Variants in LRRIQ3 observed in about 807,000 individuals in gnomAD.
LRRIQ3 encodes the protein leucine rich repeats and IQ motif containing 3.
LRRIQ3 carries 75 observed loss-of-function variants against 59.3 expected under a neutral mutation model. That is an observed-to-expected ratio of 1.26 (90% CI 1.05 to 1.53). The LOEUF is 1.53. Ranked by LOEUF, LRRIQ3 falls within the 40% of genes most tolerant of loss-of-function variation. The pLI is 0.00. For synonymous variants in LRRIQ3, 250 were observed against 231.3 expected (o/e 1.08, Z -0.73); for missense variants, 831 against 710.0 (o/e 1.17, Z -1.94).
intron 4 of LRRIQ3, among the ~76,000 whole-genome samples, chr1:74,153,925 A>T (rs2100663020): frequency 6.6e-6 from 1 of 152,220 alleles, no homozygotes; most frequent in Non-Finnish European, 1.5e-5. Flanking sequence ...AGAGAGCACT[A>T]AATATAACAA....
intron 4 of LRRIQ3, among the ~76,000 whole-genome samples, chr1:74,146,099 G>A (rs980959011): frequency 2.6e-5 from 4 of 151,904 alleles, no homozygotes; most frequent in Non-Finnish European, 4.4e-5. Context: ...CTACAAATAC[G>A]CTATACCACC....
At chr1:74,082,709 A>G (rs1461030845) in intron 5 of LRRIQ3, 1 of 151,494 alleles carries the variant, frequency 6.6e-6, no homozygotes, top group Admixed American at 6.6e-5. Flanking sequence ...GGAGGGATTT[A>G]TATTTTTTCA....
intron 1 of LRRIQ3, 126 bp from the exon 2 acceptor site, chr1:74,183,810 C>T (rs139071942): frequency 2.7e-4 from 198 of 743,598 alleles, no homozygotes; most frequent in African/African-American, 2.6e-3. Flanking sequence ...TTTAAAAAAA[C>T]TCATTCTTAT....
intron 5 of LRRIQ3, among the ~76,000 whole-genome samples, chr1:74,099,005 A>G (rs1341721479): frequency 1.3e-5 from 2 of 152,212 alleles, no homozygotes; most frequent in Non-Finnish European, 2.9e-5. Context: ...CTAGAGAAGC[A>G]AGAGCAAACA....
At chr1:74,110,595 G>A (rs979521278) in intron 4 of LRRIQ3, among the ~76,000 whole-genome samples, 2 of 151,840 alleles carry the variant, frequency 1.3e-5, no homozygotes, top group African/African-American at 2.4e-5. Flanking sequence ...TAAAATAATC[G>A]TTTGAAGTAA....
intron 3 of LRRIQ3, among the ~76,000 whole-genome samples, chr1:74,174,691 G>A (rs1240022054): frequency 6.6e-6 from 1 of 151,960 alleles, no homozygotes; most frequent in Non-Finnish European, 1.5e-5. Flanking sequence ...ACTGCACCCA[G>A]CCTACAACTT....
At chr1:74,185,029 A>G (rs1182253683) in intron 1 of LRRIQ3, among the ~76,000 whole-genome samples, 2 of 152,120 alleles carry the variant, frequency 1.3e-5, no homozygotes, top group Admixed American at 1.3e-4. Flanking sequence ...TGGATGCACT[A>G]TGGTTTGGTT....
At chr1:74,194,236 T>C (rs1650950659) in intron 1 of LRRIQ3, among the ~76,000 whole-genome samples, 1 of 152,010 alleles carries the variant, frequency 6.6e-6, no homozygotes, top group Non-Finnish European at 1.5e-5. Flanking sequence ...TCTCTAAAAA[T>C]ATAAAAGAAT....
chr1:74,121,189 T>C (rs1158150739), intron 4 of LRRIQ3, among the ~76,000 whole-genome samples: 1 of 152,176 alleles, frequency 6.6e-6, no homozygotes, highest in Non-Finnish European at 1.5e-5. Flanking sequence ...CATTATTTTA[T>C]TGTTTGCTTA....
At chr1:74,074,626 T>A in intron 6 of LRRIQ3, 35 bp downstream of exon 6, 5 of 965,992 alleles carry the variant, frequency 5.2e-6, no homozygotes, top group East Asian at 3.5e-5. Flanking sequence ...TCAAAATATA[T>A]TTATTAAATA....
At chr1:74,063,148 C>CAAA (rs758234064) in intron 6 of LRRIQ3, among the ~76,000 whole-genome samples, 12 of 150,330 alleles carry the variant, frequency 8.0e-5, no homozygotes, top group African/African-American at 2.2e-4. Flanking sequence ...ACAACAACAA[C>CAAA]AACAAAACGA....
intron 5 of LRRIQ3, chr1:74,108,835 C>A: frequency 5.7e-6 from 2 of 353,400 alleles, no homozygotes; most frequent in East Asian, 1.0e-4. Context: ...AGTTAATTAA[C>A]CTCTATGTCT....
At chr1:74,089,764 A>G (rs1341377820) in intron 5 of LRRIQ3, among the ~76,000 whole-genome samples, 1 of 152,046 alleles carries the variant, frequency 6.6e-6, no homozygotes, top group African/African-American at 2.4e-5. Flanking sequence ...TCGTTTCACA[A>G]ATTTGTGAAT....
intron 4 of LRRIQ3, among the ~76,000 whole-genome samples, chr1:74,109,915 A>T (rs1022637521): frequency 1.3e-5 from 2 of 151,750 alleles, no homozygotes; most frequent in Non-Finnish European, 3.0e-5. Context: ...TGAAGAAGGA[A>T]CTTTTTAAAT....
At chr1:74,123,311 AC>A (rs1402934010) in intron 4 of LRRIQ3, among the ~76,000 whole-genome samples, 1 of 151,984 alleles carries the variant, frequency 6.6e-6, no homozygotes, top group Non-Finnish European at 1.5e-5. Flanking sequence ...AACAATCCAC[AC>A]ATATTCTTTC....
At chr1:74,171,330 ATTGTT>A (rs1248624622) in intron 3 of LRRIQ3, among the ~76,000 whole-genome samples, 3 of 152,134 alleles carry the variant, frequency 2.0e-5, no homozygotes, top group African/African-American at 7.2e-5. Flanking sequence ...TCCATACATA[ATTGTT>A]GAGAGCTTTT....
At chr1:74,143,880 G>A (rs1436073365) in intron 4 of LRRIQ3, among the ~76,000 whole-genome samples, 1 of 151,510 alleles carries the variant, frequency 6.6e-6, no homozygotes, top group African/African-American at 2.4e-5. Context: ...CATTATAAAT[G>A]TTTTATACTT....
intron 4 of LRRIQ3, among the ~76,000 whole-genome samples, chr1:74,120,854 G>T (rs1646844936): frequency 6.6e-6 from 1 of 151,974 alleles, no homozygotes; most frequent in Non-Finnish European, 1.5e-5. Flanking sequence ...GTATTAATAA[G>T]TTTCCCACTT....
chr1:74,151,805 C>T (rs1647999086), intron 4 of LRRIQ3, among the ~76,000 whole-genome samples: 1 of 152,008 alleles, frequency 6.6e-6, no homozygotes, highest in African/African-American at 2.4e-5. Context: ...AGCAAAATAT[C>T]CACATTAACA....
Sources: allele counts gnomAD v4.1 joint callset (sites outside exome capture counted in the v4.1 genomes callset), GRCh38; gene constraint gnomAD v4.1.1; transcripts MANE v1.5; gene names NCBI Gene and HGNC (gene_info 2026-07-23, HGNC 2026-07-21).